GRK3: variants seen among roughly 807,000 people sequenced by gnomAD.
GRK3 encodes the protein G protein-coupled receptor kinase 3.
In GRK3, 54 loss-of-function variants were observed where a neutral mutation model predicts 95.7. The ratio of observed to expected loss-of-function variants is 0.56; its 90% CI spans 0.45 to 0.71. The LOEUF (loss-of-function observed/expected upper bound fraction) is 0.71. Among genes scored for constraint, GRK3 ranks in the 30% least tolerant of loss-of-function variants. The pLI, the probability that GRK3 is intolerant of heterozygous loss-of-function variation, is 0.00. For synonymous variants in GRK3, 281 were observed against 290.8 expected (o/e 0.97, Z 0.34); for missense variants, 649 against 851.2 (o/e 0.76, Z 2.96).
intron 2 of GRK3, among the ~76,000 whole-genome samples, chr22:25,618,989 G>A (rs1486511850): frequency 6.6e-6 from 1 of 152,118 alleles, no homozygotes; most frequent in Non-Finnish European, 1.5e-5. Context: ...CTTCCTGGCT[G>A]GTCATGGTGA....
chr22:25,576,616 G>A (rs1931909674), intron 1 of GRK3, among the ~76,000 whole-genome samples: 1 of 152,206 alleles, frequency 6.6e-6, no homozygotes, highest in South Asian at 2.1e-4. Context: ...CAGGTTCAGG[G>A]AGAAGCTAAT....
intron 17 of GRK3, among the ~76,000 whole-genome samples, chr22:25,712,828 A>T (rs1268172450): frequency 6.6e-6 from 1 of 152,254 alleles, no homozygotes; most frequent in Non-Finnish European, 1.5e-5. Flanking sequence ...AGAGCTGAGA[A>T]AGAGCACACT....
At chr22:25,648,271 A>G in intron 3 of GRK3, 2 of 834,470 alleles carry the variant, frequency 2.4e-6, no homozygotes. Flanking sequence ...GGTAGATACT[A>G]TATCACAACC....
At chr22:25,670,777 G>A (rs1401094727) in intron 6 of GRK3, among the ~76,000 whole-genome samples, 1 of 151,888 alleles carries the variant, frequency 6.6e-6, no homozygotes, top group Non-Finnish European at 1.5e-5. Context: ...ACACCTGGCC[G>A]GGAGGGTGGC....
chr22:25,593,035 A>G (rs1932548636), intron 1 of GRK3, among the ~76,000 whole-genome samples: 1 of 152,050 alleles, frequency 6.6e-6, no homozygotes, highest in Non-Finnish European at 1.5e-5. Context: ...GTGTATATGT[A>G]CCACATTTTC....
chr22:25,680,890 G>A (rs1018498961), intron 9 of GRK3, among the ~76,000 whole-genome samples: 14 of 151,078 alleles, frequency 9.3e-5, no homozygotes, highest in East Asian at 3.9e-4. Context: ...AGGCTTTCCC[G>A]TATTGTGGAC....
At position 25,722,932 on chromosome 22, in the gene GRK3, G is replaced by GTTAAAAGTTGAAGATATTTTCTGATGATA. The variant is rs1420182458; in HGVS notation, c.*502_*530dup. ...TTCGCAACTGACTTCTTGTCCTGGG[G>GTTAAAAGTTGAAGATATTTTCTGATGATA]TTAAAAGTTGAAGATATTTTCTGAT... is the stretch of plus-strand genomic sequence containing the variant. On this transcript the variant is annotated 3_prime_UTR_variant, in exon 21 of 21. Transcript: ENST00000324198. 6.6e-6 allele frequency: 1 copy of GTTAAAAGTTGAAGATATTTTCTGATGATA among 152,452 alleles called. No individual in the cohort carries two copies. Among genetic ancestry groups the GTTAAAAGTTGAAGATATTTTCTGATGATA allele is most frequent in the African/African-American group, 2.4e-5 (1 of 41,436 alleles). 9.4% of individuals were successfully genotyped at this position (152,452 alleles called of 1,614,324 possible). A position where few individuals can be genotyped will look rare whatever the true frequency, so the allele number is the denominator to read the frequency against.
intron 2 of GRK3, among the ~76,000 whole-genome samples, chr22:25,611,646 C>G (rs539271355): frequency 6.6e-6 from 1 of 151,970 alleles, no homozygotes; most frequent in Admixed American, 6.6e-5. Context: ...AATCTTTTAC[C>G]CATCCTGAAA....
chr22:25,642,831 C>G (rs1159620431), intron 2 of GRK3, among the ~76,000 whole-genome samples: 1 of 152,124 alleles, frequency 6.6e-6, no homozygotes, highest in Non-Finnish European at 1.5e-5. Context: ...GTTTAATTGC[C>G]TTTGTATTCT....
At chr22:25,700,191 T>G (rs1458995822) in intron 13 of GRK3, among the ~76,000 whole-genome samples, 1 of 152,240 alleles carries the variant, frequency 6.6e-6, no homozygotes, top group Non-Finnish European at 1.5e-5. Flanking sequence ...TCACAGTGAT[T>G]GACTGAGCCG....
chr22:25,629,053 T>G (rs528395499), intron 2 of GRK3, among the ~76,000 whole-genome samples: 33 of 152,332 alleles, frequency 2.2e-4, no homozygotes, highest in African/African-American at 7.7e-4. Flanking sequence ...AATTTTGAAC[T>G]ATATTATTCA....
chr22:25,578,969 C>T (rs1178944989), intron 1 of GRK3, among the ~76,000 whole-genome samples: 2 of 151,878 alleles, frequency 1.3e-5, no homozygotes, highest in Admixed American at 6.6e-5. Context: ...ACAAGAGATC[C>T]CCAAACAAGA....
At chr22:25,591,289 G>T (rs1238517023) in intron 1 of GRK3, among the ~76,000 whole-genome samples, 1 of 152,182 alleles carries the variant, frequency 6.6e-6, no homozygotes, top group Non-Finnish European at 1.5e-5. Flanking sequence ...GCAGGGAGGG[G>T]TAGAGAGCAG....
chr22:25,691,530 A>G (rs370235583), intron 12 of GRK3, among the ~76,000 whole-genome samples: 26 of 152,386 alleles, frequency 1.7e-4, no homozygotes, highest in African/African-American at 5.8e-4. Context: ...ATATGGTGAT[A>G]AAAGCATTAG....
chr22:25,626,391 G>C (rs1378779733), intron 2 of GRK3, among the ~76,000 whole-genome samples: 1 of 152,196 alleles, frequency 6.6e-6, no homozygotes. Context: ...AGGGATCAGG[G>C]AATAGCAGCT....
At chr22:25,647,337 C>G (rs1004798058) in intron 3 of GRK3, 10 of 1,252,336 alleles carry the variant, frequency 8.0e-6, no homozygotes, top group African/African-American at 1.5e-5. Context: ...CCTGTCAGTA[C>G]AAGGGTGAGC....
chr22:25,611,830 T>A (rs188470685), intron 2 of GRK3, among the ~76,000 whole-genome samples: 2,729 of 147,826 alleles, frequency 0.018, 94 homozygotes, highest in African/African-American at 0.064. Flanking sequence ...TAGTTTAGTG[T>A]CTTTTTTTTT....
rs569446783 is a variant in GRK3, at chr22:25,605,592, A to G, written c.190+1139A>G. Among the ~76,000 whole-genome samples the G allele has an allele frequency of 2.6e-5, 4 of 152,390 alleles. No homozygotes were observed. The South Asian group carries it at 8.3e-4, about 32-fold the overall frequency. On this transcript the variant is annotated intron_variant, in intron 2 of 20. Transcript: ENST00000324198. ...GTGGATTTATTGAGGTATATTTCAC[A>G]TAGCATACAATCCACACATTGAAAG...
intron 3 of GRK3, among the ~76,000 whole-genome samples, chr22:25,650,378 A>G (rs2084821505): frequency 6.6e-6 from 1 of 152,168 alleles, no homozygotes; most frequent in Non-Finnish European, 1.5e-5. Context: ...CCAAGGGGAA[A>G]TCTTTTAATC....
Sources: gnomAD v4.1 joint callset for allele counts (sites outside exome capture counted in the v4.1 genomes callset) on GRCh38, gnomAD v4.1.1 for gene constraint, MANE v1.5 for transcripts, NCBI Gene and HGNC (gene_info 2026-07-23, HGNC 2026-07-21) for gene names.